RSPH9: variants seen among roughly 807,000 people sequenced by gnomAD.
The protein encoded by RSPH9 is radial spoke head component 9, also known as radial spoke head protein 9 homolog.
Under a neutral mutation model 27.0 loss-of-function variants are expected in RSPH9, and 27 were observed. That is an observed-to-expected ratio of 1.00 (90% CI 0.74 to 1.38). The LOEUF (loss-of-function observed/expected upper bound fraction) is 1.38, where lower values mean the gene tolerates loss of function less well. Ranked by LOEUF, RSPH9 falls within the 40% of genes most tolerant of loss-of-function variation. RSPH9 has a pLI of 0.00. For synonymous variants in RSPH9, 145 were observed against 147.7 expected (o/e 0.98, Z 0.13); for missense variants, 347 against 357.4 (o/e 0.97, Z 0.24).
At chr6:43,656,265 T>C (rs1772040187) in intron 3 of RSPH9, among the ~76,000 whole-genome samples, 1 of 152,142 alleles carries the variant, frequency 6.6e-6, no homozygotes, top group East Asian at 1.9e-4. Context: ...TTTGTATTTT[T>C]AGTAGAGACG....
chr6:43,652,373 C>T (rs114988842), intron 2 of RSPH9, among the ~76,000 whole-genome samples: 7,805 of 150,824 alleles, frequency 0.052, 309 homozygotes, highest in African/African-American at 0.1. Context: ...TTTTTTTCAC[C>T]TAATGATATA....
rs574598512 is a variant in RSPH9, at chr6:43,646,416, C to T, written c.227+1091C>T. On this transcript the variant is annotated intron_variant, in intron 1 of 4. Coordinates refer to ENST00000372163, the MANE Select transcript of RSPH9 (RefSeq NM_152732.5). ...CCCAAAGTGCTGGGATCACCCACCGCGCTTGGCAATTATTTATTTATTTAT... is the reference window on the plus strand; with the variant it reads ...CCCAAAGTGCTGGGATCACCCACCGTGCTTGGCAATTATTTATTTATTTAT... 5.5e-4 allele frequency among the ~76,000 whole-genome samples: 84 copies of T among 151,726 alleles called. 1 individual carries two copies. In the South Asian group the frequency reaches 9.4e-3, roughly 17 times the overall value.
intron 4 of RSPH9, among the ~76,000 whole-genome samples, chr6:43,670,257 T>C (rs1382452568): frequency 1.3e-5 from 2 of 152,202 alleles, no homozygotes; most frequent in Non-Finnish European, 2.9e-5. Context: ...GAGTTTCGCC[T>C]CTTTTCATTT....
intron 4 of RSPH9, among the ~76,000 whole-genome samples, chr6:43,668,983 A>C (rs754771662): frequency 2.0e-5 from 3 of 152,154 alleles, no homozygotes; most frequent in Admixed American, 6.5e-5. Flanking sequence ...CATCAATCCT[A>C]AACAATCTGT....
intron 1 of RSPH9, 125 bp downstream of exon 1, chr6:43,645,450 A>C: frequency 1.2e-6 from 1 of 824,644 alleles, no homozygotes. Context: ...GCGGGATCTG[A>C]GATGAGTGGA....
intron 4 of RSPH9, 114 bp downstream of exon 4, chr6:43,656,837 G>A (rs1258708292): frequency 2.5e-6 from 3 of 1,223,568 alleles, no homozygotes. Context: ...GGAATTGGTG[G>A]TTCACCATGG....
intron 2 of RSPH9, among the ~76,000 whole-genome samples, chr6:43,650,823 A>G (rs1771383307): frequency 6.6e-6 from 1 of 151,384 alleles, no homozygotes; most frequent in African/African-American, 2.4e-5. Flanking sequence ...GGAGAATGGC[A>G]TGAACCCAGG....
chr6:43,665,093 C>T (rs1170159059), intron 4 of RSPH9, among the ~76,000 whole-genome samples: 1 of 152,208 alleles, frequency 6.6e-6, no homozygotes, highest in Non-Finnish European at 1.5e-5. Flanking sequence ...GTGAGAGGGG[C>T]TGGTGCAGTA....
chr6:43,663,352 G>A (rs571297712), intron 4 of RSPH9, among the ~76,000 whole-genome samples: 11 of 152,058 alleles, frequency 7.2e-5, no homozygotes, highest in Admixed American at 3.3e-4. Flanking sequence ...CTGAGTAGCC[G>A]GGATTATAGG....
intron 4 of RSPH9, among the ~76,000 whole-genome samples, chr6:43,659,386 C>CT (rs749619372): frequency 0.031 from 4,483 of 142,962 alleles, 89 homozygotes; most frequent in Non-Finnish European, 0.05. Flanking sequence ...CCATGCCCGG[C>CT]TTTTTTTTTT....
intron 4 of RSPH9, among the ~76,000 whole-genome samples, chr6:43,665,807 CT>C (rs1388025979): frequency 6.6e-6 from 1 of 150,928 alleles, no homozygotes; most frequent in Non-Finnish European, 1.5e-5. Flanking sequence ...ACCAGTTTTT[CT>C]TTCTTTCTTT....
chr6:43,666,326 A>C, intron 4 of RSPH9: 1 of 1,009,852 alleles, frequency 9.9e-7, no homozygotes, highest in East Asian at 2.6e-5. Flanking sequence ...ATTGGGGCCA[A>C]AATCCCAAGG....
intron 4 of RSPH9, among the ~76,000 whole-genome samples, chr6:43,661,196 G>A (rs1454418479): frequency 6.6e-6 from 1 of 152,168 alleles, no homozygotes; most frequent in African/African-American, 2.4e-5. Context: ...CATCTATAGA[G>A]CACAGGCAGA....
intron 3 of RSPH9, 68 bp from the exon 4 acceptor site, chr6:43,656,509 T>C (rs1772064101): frequency 1.3e-6 from 2 of 1,575,032 alleles, no homozygotes; most frequent in East Asian, 2.2e-5. Context: ...GTGGTCCCAG[T>C]GCAGACAGAA....
intron 1 of RSPH9, among the ~76,000 whole-genome samples, chr6:43,648,865 G>A (rs75933433): frequency 0.012 from 1,889 of 152,236 alleles, 40 homozygotes; most frequent in African/African-American, 0.043. Flanking sequence ...TGGGTCCCTG[G>A]AAATACTTAA....
At chr6:43,666,898 TCAC>T (rs1288904912) in intron 4 of RSPH9, among the ~76,000 whole-genome samples, 2 of 152,146 alleles carry the variant, frequency 1.3e-5, no homozygotes, top group Admixed American at 6.5e-5. Flanking sequence ...CAGGCGCATG[TCAC>T]CACGCCTAAT....
intron 2 of RSPH9, among the ~76,000 whole-genome samples, 196 bp from the exon 3 acceptor site, chr6:43,655,366 G>T (rs1400388853): frequency 6.6e-6 from 1 of 152,088 alleles, no homozygotes; most frequent in Non-Finnish European, 1.5e-5. Flanking sequence ...TATGTATTAC[G>T]AATTAAAAAA....
At chr6:43,658,479 T>C (rs1772275701) in intron 4 of RSPH9, among the ~76,000 whole-genome samples, 1 of 152,116 alleles carries the variant, frequency 6.6e-6, no homozygotes, top group South Asian at 2.1e-4. Flanking sequence ...TCTAAAAATG[T>C]TAAAAAAATT....
At position 43,655,414 on chromosome 6, in the gene RSPH9, A is replaced by C. The variant is rs1418374195; in HGVS notation, c.394-148A>C. On this transcript the variant is annotated intron_variant, in intron 2 of 4. Transcript: ENST00000372163. ...AAGGAAGAAAATCTTGATAGGAAGG[A>C]AGGCGAGGGCCTGCCCAGCGTGATC... 5.1e-6 allele frequency: 4 copies of C among 777,024 alleles called. No homozygotes were observed. The Admixed American group carries it at 8.5e-5, about 17-fold the overall frequency. The allele number at this position is 777,024 out of a possible 1,614,324, so 48.1% of individuals were successfully genotyped here.
Sources: gnomAD v4.1 joint callset for allele counts (sites outside exome capture counted in the v4.1 genomes callset) on GRCh38, gnomAD v4.1.1 for gene constraint, MANE v1.5 for transcripts, NCBI Gene and HGNC (gene_info 2026-07-23, HGNC 2026-07-21) for gene names.